TLL2: variants seen among roughly 807,000 people sequenced by gnomAD.
The protein encoded by TLL2 is tolloid like 2, also known as tolloid-like protein 2.
In TLL2, 106 loss-of-function variants were observed where a neutral mutation model predicts 123.0. The observed-to-expected ratio is 0.86, with a 90% CI of 0.74 to 1.01. The LOEUF is 1.01. TLL2 is among the 50% of genes least tolerant of loss of function. The probability of loss-of-function intolerance (pLI) is 0.00; values close to 1 mark genes in which losing one functional copy is unlikely to be tolerated. For missense variants in TLL2, 1,332 were observed against 1,336.7 expected, an observed-to-expected ratio of 1.00 and a Z score of 0.06; for synonymous variants, 494 against 516.8, an observed-to-expected ratio of 0.96 and a Z score of 0.60.
chr10:96,364,880 G>A lies in TLL2; in HGVS notation c.*3208C>T, dbSNP rs369174223. The A allele has an allele frequency of 1.3e-5, 2 of 152,344 alleles. No individual in the cohort carries two copies. Among genetic ancestry groups the A allele is most frequent in the African/African-American group, 2.4e-5 (1 of 41,558 alleles). The allele number at this position is 152,344 out of a possible 1,614,324, so 9.4% of individuals were successfully genotyped here. ...GGGAACATTTGTTCACAAATGGAAC[G>A]CTAACAATACCAATCTGAAAGCTAT... is the stretch of plus-strand genomic sequence containing the variant. On this transcript the variant is annotated 3_prime_UTR_variant, in exon 21 of 21. Coordinates refer to ENST00000357947, the MANE Select transcript of TLL2 (RefSeq NM_012465.4).
At position 96,387,056 on chromosome 10, in the gene TLL2, T is replaced by C; in HGVS notation, c.1749A>G (p.Pro583=). 6.2e-7 allele frequency: 1 copy of C among 1,614,076 alleles called. No homozygotes were observed. Among genetic ancestry groups the C allele is most frequent in the Non-Finnish European group, 8.5e-7 (1 of 1,179,926 alleles). Reference sequence around the variant, plus strand: ...AGCGATGCTCGCACCCGCCGTGATCTGGCCAGGAACACTCATCCACCTCTG... The same window carrying C: ...AGCGATGCTCGCACCCGCCGTGATCCGGCCAGGAACACTCATCCACCTCTG... The part of the protein sequence containing the change: ...FFKEVDECSW[P]DHGGCEHRCV... The change falls in exon 14 of 21, where the codon CCA becomes CCG. Residue 583 remains proline, a synonymous_variant. Coordinates refer to ENST00000357947, the MANE Select transcript of TLL2 (RefSeq NM_012465.4).
Position 96,395,912 on chromosome 10 carries a change from T to C in TLL2, c.1493A>G (p.Glu498Gly), listed in dbSNP as rs1846335146. 2 of 1,614,038 alleles carry C rather than the reference T, an allele frequency of 1.2e-6. No individual in the cohort carries two copies. Among genetic ancestry groups the C allele is most frequent in the Non-Finnish European group, 8.5e-7 (1 of 1,180,032 alleles). ...KECVWRITVS[E>G]GFHVGLTFQA... Reference sequence around the variant, plus strand: ...GAAGGTAAGTCCCACGTGAAACCCCTCTGAAACCGTAATCCTCCAGACACA... The same window carrying C: ...GAAGGTAAGTCCCACGTGAAACCCCCCTGAAACCGTAATCCTCCAGACACA... The change falls in exon 12 of 21, where the codon GAG becomes GGG. Residue 498 changes from glutamate (E) to glycine (G), a missense_variant. Transcript: ENST00000357947.
chr10:96,390,245 G>A (rs1034166186), intron 13 of TLL2, among the ~76,000 whole-genome samples: 1 of 152,236 alleles, frequency 6.6e-6, no homozygotes, highest in African/African-American at 2.4e-5. Flanking sequence ...AGGGAAGGCA[G>A]GGCATATTCT....
intron 7 of TLL2, among the ~76,000 whole-genome samples, chr10:96,416,198 A>G (rs184311153): frequency 5.9e-5 from 9 of 152,172 alleles, no homozygotes; most frequent in Non-Finnish European, 1.3e-4. Flanking sequence ...TTTTGTAATT[A>G]TTTTCTTGGT....
At chr10:96,374,946 A>C (rs1028116960) in intron 18 of TLL2, among the ~76,000 whole-genome samples, 1 of 102,964 alleles carries the variant, frequency 9.7e-6, no homozygotes, top group Admixed American at 1.3e-4. Context: ...GAGCAGGGAG[A>C]CAGGACATTA....
At chr10:96,431,757 A>G (rs1185411172) in intron 4 of TLL2, among the ~76,000 whole-genome samples, 3 of 152,224 alleles carry the variant, frequency 2.0e-5, no homozygotes, top group African/African-American at 4.8e-5. Context: ...AGTGCTGCCA[A>G]TGTTATAAAG....
chr10:96,459,410 C>T lies in TLL2; in HGVS notation c.287-13242G>A, dbSNP rs117734324. Among the ~76,000 whole-genome samples, 720 of 151,542 alleles carry T rather than the reference C, an allele frequency of 4.8e-3. 4 individuals carry two copies. Among genetic ancestry groups the T allele is most frequent in the Middle Eastern group, 0.01 (3 of 292 alleles). The stretch of plus-strand genomic sequence containing the variant: ...TAGGGAGGTTGAGGCAGGCAGATCA[C>T]GCTCACACCTGTAATCCCAGAACTT... On this transcript the variant is annotated intron_variant, in intron 2 of 20. Coordinates refer to ENST00000357947, the MANE Select transcript of TLL2 (RefSeq NM_012465.4).
chr10:96,382,324 C>T (rs559954013), intron 16 of TLL2, among the ~76,000 whole-genome samples: 9 of 152,192 alleles, frequency 5.9e-5, no homozygotes, highest in East Asian at 1.9e-4. Flanking sequence ...CCACCATGCC[C>T]GGCCATGAAT....
intron 1 of TLL2, among the ~76,000 whole-genome samples, chr10:96,512,270 G>A (rs1215709218): frequency 6.6e-6 from 1 of 152,054 alleles, no homozygotes. Context: ...GCCTAGACCC[G>A]AGCCACTGCA....
chr10:96,465,754 A>C (rs1847123872), intron 2 of TLL2, among the ~76,000 whole-genome samples: 2 of 152,200 alleles, frequency 1.3e-5, no homozygotes. Context: ...GGAGCACTGA[A>C]GTGAACGGGG....
intron 1 of TLL2, among the ~76,000 whole-genome samples, chr10:96,509,675 C>G (rs994823125): frequency 6.6e-6 from 1 of 152,228 alleles, no homozygotes; most frequent in Non-Finnish European, 1.5e-5. Context: ...TGGCCGGGCA[C>G]GGTGGCTCAC....
intron 2 of TLL2, among the ~76,000 whole-genome samples, chr10:96,479,458 T>A (rs1239561040): frequency 3.9e-5 from 6 of 152,192 alleles, no homozygotes; most frequent in Non-Finnish European, 7.3e-5. Context: ...ACCACATACA[T>A]GAGCAGCCTG....
At chr10:96,442,767 T>C (rs1846862116) in intron 3 of TLL2, among the ~76,000 whole-genome samples, 1 of 151,760 alleles carries the variant, frequency 6.6e-6, no homozygotes, top group African/African-American at 2.4e-5. Flanking sequence ...CTTCCTGTCC[T>C]CTGTAATTGT....
intron 1 of TLL2, among the ~76,000 whole-genome samples, chr10:96,491,815 T>C (rs1266786759): frequency 6.6e-6 from 1 of 152,168 alleles, no homozygotes; most frequent in African/African-American, 2.4e-5. Flanking sequence ...TGATTTCAGG[T>C]CACTGAACAT....
At chr10:96,402,243 C>T (rs1589412987) in intron 10 of TLL2, among the ~76,000 whole-genome samples, 1 of 152,326 alleles carries the variant, frequency 6.6e-6, no homozygotes, top group Middle Eastern at 3.4e-3. Flanking sequence ...CCACCACCTC[C>T]GCGCTTCCTT....
At chr10:96,471,812 G>T (rs909881289) in intron 2 of TLL2, among the ~76,000 whole-genome samples, 3 of 152,060 alleles carry the variant, frequency 2.0e-5, no homozygotes, top group South Asian at 2.1e-4. Context: ...CAGTGGGGAG[G>T]CACACCAAAG....
At chr10:96,379,562 C>G (rs1378274940) in intron 16 of TLL2, among the ~76,000 whole-genome samples, 1 of 152,200 alleles carries the variant, frequency 6.6e-6, no homozygotes. Flanking sequence ...TGGCTCATGC[C>G]TGTAATCCCA....
At chr10:96,411,195 G>A (rs1267539031) in intron 8 of TLL2, among the ~76,000 whole-genome samples, 1 of 141,714 alleles carries the variant, frequency 7.1e-6, no homozygotes, top group Non-Finnish European at 1.5e-5. Context: ...AGAGTGCAGT[G>A]AGCCAAGATT....
At chr10:96,424,572 T>C (rs1177424445) in intron 5 of TLL2, among the ~76,000 whole-genome samples, 1 of 152,192 alleles carries the variant, frequency 6.6e-6, no homozygotes, top group East Asian at 1.9e-4. Flanking sequence ...TGAGGCTGGA[T>C]AGTTTTTCAC....
Sources: allele counts gnomAD v4.1 joint callset (sites outside exome capture counted in the v4.1 genomes callset), GRCh38; gene constraint gnomAD v4.1.1; transcripts MANE v1.5; gene names NCBI Gene and HGNC (gene_info 2026-07-23, HGNC 2026-07-21).